Variants in GRIK1 observed in about 807,000 individuals in gnomAD.
GRIK1 encodes the protein glutamate ionotropic receptor kainate type subunit 1.
In GRIK1, 69 loss-of-function variants were observed where a neutral mutation model predicts 105.7. The ratio of observed to expected loss-of-function variants is 0.65; its 90% CI spans 0.54 to 0.80. GRIK1 has a LOEUF of 0.80. Among genes scored for constraint, GRIK1 ranks in the 30% least tolerant of loss-of-function variants. GRIK1 has a pLI of 0.00. For missense variants in GRIK1, 1,109 were observed against 1,167.3 expected, an observed-to-expected ratio of 0.95 and a Z score of 0.73; for synonymous variants, 438 against 431.3, an observed-to-expected ratio of 1.02 and a Z score of -0.19.
chr21:29,642,422 T>C (rs2062530241), intron 7 of GRIK1, among the ~76,000 whole-genome samples: 1 of 152,226 alleles, frequency 6.6e-6, no homozygotes, highest in African/African-American at 2.4e-5. Context: ...GCCTGAGCTT[T>C]AGGAGGCCAC....
chr21:29,852,701 C>T (rs544902017), intron 1 of GRIK1, among the ~76,000 whole-genome samples: 1 of 152,324 alleles, frequency 6.6e-6, no homozygotes, highest in South Asian at 2.1e-4. Context: ...GAATGCTTTA[C>T]ACAAAGTAAA....
At chr21:29,623,363 T>A (rs1391880661) in intron 7 of GRIK1, among the ~76,000 whole-genome samples, 1 of 152,008 alleles carries the variant, frequency 6.6e-6, no homozygotes, top group Non-Finnish European at 1.5e-5. Flanking sequence ...GAAACTATAA[T>A]TCGAGATTTG....
intron 1 of GRIK1, among the ~76,000 whole-genome samples, chr21:29,732,059 T>A (rs1286266920): frequency 6.6e-6 from 1 of 152,218 alleles, no homozygotes; most frequent in African/African-American, 2.4e-5. Flanking sequence ...ACAATTGAAA[T>A]CCTTGCGTAA....
Position 29,548,252 on chromosome 21 carries a change from G to A in GRIK1, c.2607+6800C>T, listed in dbSNP as rs76041185. ...CAACAACAAAGTTCAAATTCTGCAG[G>A]GTTTCAAATTCACACACTGCATTTG... On this transcript the variant is annotated intron_variant, in intron 16 of 17. Transcript: ENST00000327783. 9.5e-3 allele frequency among the ~76,000 whole-genome samples: 1,446 copies of A among 152,132 alleles called. 10 individuals carry two copies. Among genetic ancestry groups the A allele is most frequent in the Non-Finnish European group, 0.013 (854 of 67,998 alleles).
chr21:29,914,658 GCTCATACAA>G (rs1436628989), intron 1 of GRIK1, among the ~76,000 whole-genome samples: 1 of 152,086 alleles, frequency 6.6e-6, no homozygotes, highest in Non-Finnish European at 1.5e-5. Context: ...AGTCAAGTAT[GCTCATACAA>G]CTTGTTTTGT....
intron 15 of GRIK1, among the ~76,000 whole-genome samples, chr21:29,558,113 A>G (rs1380621443): frequency 2.6e-5 from 4 of 152,146 alleles, no homozygotes; most frequent in Admixed American, 2.6e-4. Context: ...CTCAGGAGGT[A>G]CATTTCCAGA....
At chr21:29,871,583 G>C (rs914797602) in intron 1 of GRIK1, among the ~76,000 whole-genome samples, 1 of 152,012 alleles carries the variant, frequency 6.6e-6, no homozygotes, top group African/African-American at 2.4e-5. Flanking sequence ...ATCAGGAAGA[G>C]ACATAAATAT....
chr21:29,592,505 T>C (rs1374874591), intron 9 of GRIK1, among the ~76,000 whole-genome samples: 1 of 152,236 alleles, frequency 6.6e-6, no homozygotes, highest in African/African-American at 2.4e-5. Flanking sequence ...TGAGCTATTT[T>C]GTAAATGCCT....
intron 1 of GRIK1, among the ~76,000 whole-genome samples, chr21:29,881,914 A>T (rs1310089378): frequency 6.6e-6 from 1 of 152,118 alleles, no homozygotes; most frequent in East Asian, 1.9e-4. Flanking sequence ...ATTTTCTCCC[A>T]ACAACCATCC....
intron 1 of GRIK1, among the ~76,000 whole-genome samples, chr21:29,899,099 T>C (rs1383964491): frequency 6.6e-6 from 1 of 152,234 alleles, no homozygotes; most frequent in East Asian, 1.9e-4. Context: ...TTTTAAATGA[T>C]TTACCAAATT....
At chr21:29,925,871 T>C (rs558896981) in intron 1 of GRIK1, among the ~76,000 whole-genome samples, 45 of 152,342 alleles carry the variant, frequency 3.0e-4, no homozygotes, top group African/African-American at 9.4e-4. Context: ...TGTATGCACA[T>C]GTACTTAGCC....
chr21:29,747,098 G>A lies in GRIK1; in HGVS notation c.119-53035C>T, dbSNP rs144359176. On this transcript the variant is annotated intron_variant, in intron 1 of 17. Coordinates refer to ENST00000327783, the MANE Select transcript of GRIK1 (RefSeq NM_001330994.2). ...AATTGTTCCCTGAGAGCTAAACTAT[G>A]AGCCAAACAAATAATAAATAAAAGT... 4.9e-3 allele frequency among the ~76,000 whole-genome samples: 753 copies of A among 152,228 alleles called. 8 individuals are homozygous for A. The highest frequency in any genetic ancestry group is 0.017 in the African/African-American group (718 of 41,530).
intron 1 of GRIK1, among the ~76,000 whole-genome samples, chr21:29,832,377 C>T (rs2067667304): frequency 6.6e-6 from 1 of 152,160 alleles, no homozygotes; most frequent in African/African-American, 2.4e-5. Flanking sequence ...GCTGCAATCC[C>T]ACATTTTTCC....
chr21:29,884,073 G>A (rs895169380), intron 1 of GRIK1, among the ~76,000 whole-genome samples: 12 of 151,906 alleles, frequency 7.9e-5, no homozygotes, highest in Non-Finnish European at 1.6e-4. Flanking sequence ...TTTTATACAG[G>A]GAAACACATT....
intron 1 of GRIK1, among the ~76,000 whole-genome samples, chr21:29,842,298 T>C (rs954719370): frequency 6.6e-6 from 1 of 152,136 alleles, no homozygotes; most frequent in African/African-American, 2.4e-5. Context: ...TTCATAGTGA[T>C]TTGCAACTAT....
rs576410666 is a variant in GRIK1 at position 29,796,587 on chromosome 21, C to G, written c.119-102524G>C. On this transcript the variant is annotated intron_variant, in intron 1 of 17. Coordinates refer to ENST00000327783, the MANE Select transcript of GRIK1 (RefSeq NM_001330994.2). ...CTGATCTCTATTATAAGAAGTGCAG[C>G]GTATCTGTTTTTTTCTTGGTTTCCA... is the stretch of plus-strand genomic sequence containing the variant. Among the ~76,000 whole-genome samples, 24 of 152,098 alleles carry G rather than the reference C, an allele frequency of 1.6e-4. No individual in the cohort carries two copies. The South Asian group carries it at 5.0e-3, about 32-fold the overall frequency.
intron 10 of GRIK1, 53 bp from the exon 11 acceptor site, chr21:29,589,095 T>TA: frequency 1.0e-6 from 1 of 973,644 alleles, no homozygotes; most frequent in African/African-American, 1.6e-5. Context: ...AGGAAGAGTT[T>TA]ACCCTATCAG....
chr21:29,865,090 A>G (rs1159834187), intron 1 of GRIK1, among the ~76,000 whole-genome samples: 1 of 152,224 alleles, frequency 6.6e-6, no homozygotes, highest in Non-Finnish European at 1.5e-5. Context: ...ATTCTTCCAC[A>G]GGTTACTGTA....
At position 29,710,748 on chromosome 21, in the gene GRIK1, T is replaced by A. The variant is rs532651752; in HGVS notation, c.119-16685A>T. ...GTTATATTTTTCTTATTTCAACTTT[T>A]GCCTTTCCCTCCCTCCGTCCGTCCC... On this transcript the variant is annotated intron_variant, in intron 1 of 17. Transcript: ENST00000327783. Among the ~76,000 whole-genome samples, 375 of 151,590 alleles carry A rather than the reference T, an allele frequency of 2.5e-3. 2 individuals are homozygous for A. The highest frequency in any genetic ancestry group is 3.6e-3 in the Admixed American group (54 of 15,208).
Sources: allele counts gnomAD v4.1 joint callset (sites outside exome capture counted in the v4.1 genomes callset), GRCh38; gene constraint gnomAD v4.1.1; transcripts MANE v1.5; gene names NCBI Gene and HGNC (gene_info 2026-07-23, HGNC 2026-07-21).